The following GDF3 variants were observed in gnomAD, a reference collection of about 807,000 sequenced individuals.
GDF3 encodes growth/differentiation factor 3.
A neutral mutation model predicts 10.2 loss-of-function variants in GDF3; 10 were observed. The ratio of observed to expected loss-of-function variants is 0.98; its 90% CI spans 0.60 to 1.66. The LOEUF is 1.66. GDF3 is among the 40% of genes most tolerant of loss of function. The pLI is 0.00. For missense variants in GDF3, 450 were observed against 438.3 expected (o/e 1.03, Z -0.24); for synonymous variants, 166 against 178.5 (o/e 0.93, Z 0.56).
intron 1 of GDF3, among the ~76,000 whole-genome samples, chr12:7,691,382 T>C (rs1329839641): frequency 6.6e-6 from 1 of 151,992 alleles, no homozygotes; most frequent in African/African-American, 2.4e-5. Flanking sequence ...CATAGGTGTG[T>C]TCATACGTTT....
At chr12:7,693,880 GA>G (rs1416600146) in intron 1 of GDF3, among the ~76,000 whole-genome samples, 1 of 152,094 alleles carries the variant, frequency 6.6e-6, no homozygotes, top group Non-Finnish European at 1.5e-5. Context: ...TTGAGCCCAG[GA>G]GGTGGAGGCT....
intron 1 of GDF3, among the ~76,000 whole-genome samples, chr12:7,692,599 T>C (rs1030518744): frequency 1.3e-5 from 2 of 151,328 alleles, no homozygotes; most frequent in Non-Finnish European, 2.9e-5. Flanking sequence ...AACCTCCGTC[T>C]CTCGGGTTCA....
At chr12:7,695,420 C>G in intron 1 of GDF3, 41 bp downstream of exon 1, 5 of 1,578,304 alleles carry the variant, frequency 3.2e-6, no homozygotes, top group Non-Finnish European at 4.4e-6. Flanking sequence ...TCACACCACC[C>G]AGTTCCAGAT....
At chr12:7,690,749 C>G in intron 1 of GDF3, 45 bp from the exon 2 acceptor site, 1 of 1,063,020 alleles carries the variant, frequency 9.4e-7, no homozygotes, top group Non-Finnish European at 1.5e-6. Context: ...GATGTATTTA[C>G]TTCATATCCA....
intron 1 of GDF3, among the ~76,000 whole-genome samples, chr12:7,692,571 T>G (rs1864144221): frequency 6.6e-6 from 1 of 150,844 alleles, no homozygotes. Context: ...GTGCACTGGC[T>G]TGATCTCAGC....
chr12:7,691,001 T>C (rs905744724), intron 1 of GDF3, among the ~76,000 whole-genome samples: 11 of 151,946 alleles, frequency 7.2e-5, no homozygotes, highest in African/African-American at 2.7e-4. Flanking sequence ...AATACAAAAA[T>C]TAGCCAGGCG....
intron 1 of GDF3, 39 bp downstream of exon 1, chr12:7,695,422 G>C (rs772417065): frequency 2.5e-6 from 4 of 1,587,340 alleles, no homozygotes; most frequent in East Asian, 4.5e-5. Context: ...ACACCACCCA[G>C]TTCCAGATGT....
Position 7,690,415 on chromosome 12 carries a change from T to C in GDF3, c.558A>G (p.Val186=), listed in dbSNP as rs1592072444. The C allele has an allele frequency of 6.2e-7, 1 of 1,614,080 alleles. No homozygotes were observed. Among genetic ancestry groups the C allele is most frequent in the Non-Finnish European group, 8.5e-7 (1 of 1,180,020 alleles). The change falls in exon 2 of 2, where the codon GTA becomes GTG. Residue 186 remains valine (V), a synonymous_variant. Transcript: ENST00000329913. ...GGGGGTTGTCATTCCAATCCTTAGC[T>C]ACATCCAGCAGGTTGAAGTGAACAG... is the stretch of plus-strand genomic sequence containing the variant. The part of the protein sequence containing the change: ...QGAVHFNLLD[V]AKDWNDNPRK...
At position 7,691,695 on chromosome 12, in the gene GDF3, A is replaced by G. The variant is rs996072638; in HGVS notation, c.269-991T>C. Reference sequence around the variant, plus strand: ...TGAATAAAGCATTATATATATTACTATATATACATTTGTCTTTAAAATATT... The same window carrying G: ...TGAATAAAGCATTATATATATTACTGTATATACATTTGTCTTTAAAATATT... On this transcript the variant is annotated intron_variant, in intron 1 of 1. Coordinates refer to ENST00000329913, the MANE Select transcript of GDF3 (RefSeq NM_020634.3). Among the ~76,000 whole-genome samples, 4 of 151,652 alleles carry G rather than the reference A, an allele frequency of 2.6e-5. 1 individual carries two copies. Among genetic ancestry groups the G allele is most frequent in the African/African-American group, 9.7e-5 (4 of 41,238 alleles).
At chr12:7,693,232 T>C (rs1441127249) in intron 1 of GDF3, among the ~76,000 whole-genome samples, 1 of 151,994 alleles carries the variant, frequency 6.6e-6, no homozygotes, top group Non-Finnish European at 1.5e-5. Context: ...AGATGGAGTC[T>C]TGCTCTGTCA....
At position 7,690,147 on chromosome 12, in the gene GDF3, G is replaced by T; in HGVS notation, c.826C>A (p.Leu276Met). Residue 276 changes from leucine (L) to methionine (M), a missense_variant, in exon 2 of 2, where the codon CTG (leucine) becomes ATG (methionine). Leu to Met is a conservative substitution (Grantham distance 15). Coordinates refer to ENST00000329913, the MANE Select transcript of GDF3 (RefSeq NM_020634.3). ...RHQLFINFRD[L>M]GWHKWIIAPK... ...GCAATGATCCACTTGTGCCAACCCAGGTCCCGGAAGTTAATGAATAGCTGG... is the reference window on the plus strand; with the variant it reads ...GCAATGATCCACTTGTGCCAACCCATGTCCCGGAAGTTAATGAATAGCTGG... The T allele has an allele frequency of 6.2e-7, 1 of 1,614,186 alleles. No homozygotes were observed. The highest frequency in any genetic ancestry group is 8.5e-7 in the Non-Finnish European group (1 of 1,180,042).
At chr12:7,693,624 C>T (rs2136878299) in intron 1 of GDF3, among the ~76,000 whole-genome samples, 1 of 151,918 alleles carries the variant, frequency 6.6e-6, no homozygotes, top group Admixed American at 6.6e-5. Flanking sequence ...CACCACCACA[C>T]CTCTTCATTC....
At chr12:7,691,733 C>A (rs1050962471) in intron 1 of GDF3, among the ~76,000 whole-genome samples, 1 of 151,880 alleles carries the variant, frequency 6.6e-6, no homozygotes, top group African/African-American at 2.4e-5. Flanking sequence ...AAAAGCCAGG[C>A]GTGGTGGCTC....
At chr12:7,691,517 G>A (rs1449969193) in intron 1 of GDF3, among the ~76,000 whole-genome samples, 1 of 147,834 alleles carries the variant, frequency 6.8e-6, no homozygotes, top group Non-Finnish European at 1.5e-5. Flanking sequence ...GACCATCCTG[G>A]GCAACATAGT....
rs1311325872 is a variant in GDF3 at position 7,690,369 on chromosome 12, G to T, written c.604C>A (p.Leu202Met). 1 of 1,614,040 alleles carries T rather than the reference G, an allele frequency of 6.2e-7. No homozygotes were observed. Among genetic ancestry groups the T allele is most frequent in the Non-Finnish European group, 8.5e-7 (1 of 1,179,982 alleles). The part of the protein sequence containing the change: ...DNPRKNFGLF[L>M]EILVKEDRDS... The stretch of plus-strand genomic sequence containing the variant: ...CTATCTTCTTTGACCAGTATCTCCA[G>T]GAATAACCCGAAATTTTTCCGGGGG... The change falls in exon 2 of 2, where the codon CTG becomes ATG. Residue 202 changes from leucine (L) to methionine (M), a missense_variant. Coordinates refer to ENST00000329913, the MANE Select transcript of GDF3 (RefSeq NM_020634.3).
chr12:7,694,912 A>G (rs1431600750), intron 1 of GDF3, among the ~76,000 whole-genome samples: 5 of 152,160 alleles, frequency 3.3e-5, no homozygotes, highest in African/African-American at 1.2e-4. Context: ...CCACTCACTG[A>G]GATCCTTTTA....
intron 1 of GDF3, among the ~76,000 whole-genome samples, chr12:7,691,112 T>G (rs1373658022): frequency 1.3e-5 from 2 of 148,842 alleles, no homozygotes; most frequent in East Asian, 4.0e-4. Flanking sequence ...ATCGCGCCAT[T>G]GCACTCCAGC....
chr12:7,695,389 TC>T (rs1421339256), intron 1 of GDF3, 71 bp downstream of exon 1: 10 of 1,374,636 alleles, frequency 7.3e-6, no homozygotes, highest in African/African-American at 2.8e-5. Context: ...AATTGTCATT[TC>T]CTATTGTCCT....
At chr12:7,693,984 GGAA>G (rs757935963) in intron 1 of GDF3, among the ~76,000 whole-genome samples, 4 of 152,112 alleles carry the variant, frequency 2.6e-5, no homozygotes, top group Non-Finnish European at 5.9e-5. Context: ...AAGAACAAGA[GGAA>G]GAAGAAGAAA....
Sources: allele counts gnomAD v4.1 joint callset (sites outside exome capture counted in the v4.1 genomes callset), GRCh38; gene constraint gnomAD v4.1.1; transcripts MANE v1.5; gene names NCBI Gene and HGNC (gene_info 2026-07-23, HGNC 2026-07-21).